Variants in RAD17 observed in about 807,000 individuals in gnomAD.
RAD17 encodes the protein cell cycle checkpoint protein RAD17.
A neutral mutation model predicts 81.5 loss-of-function variants in RAD17; 31 were observed. The observed-to-expected ratio is 0.38, with a 90% confidence interval of 0.29 to 0.51. The LOEUF (loss-of-function observed/expected upper bound fraction) is 0.51. Ranked by LOEUF, RAD17 falls within the 20% of genes least tolerant of loss-of-function variation. The pLI, the probability that RAD17 is intolerant of heterozygous loss-of-function variation, is 0.88. For synonymous variants in RAD17, 261 were observed against 266.2 expected, an observed-to-expected ratio of 0.98 and a Z score of 0.19; for missense variants, 681 against 781.2, an observed-to-expected ratio of 0.87 and a Z score of 1.53.
intron 18 of RAD17, among the ~76,000 whole-genome samples, chr5:69,410,987 A>C (rs1280637537): frequency 1.4e-5 from 2 of 144,440 alleles, no homozygotes; most frequent in Non-Finnish European, 3.0e-5. Context: ...ATATATATAT[A>C]TATATATATA....
chr5:69,388,965 G>A (rs1274136027), intron 11 of RAD17, 69 bp from the exon 12 acceptor site: 5 of 776,970 alleles, frequency 6.4e-6, no homozygotes, highest in Non-Finnish European at 9.4e-6. Flanking sequence ...TTAGAAAATA[G>A]GTTGGGGTTT....
In RAD17 at chr5:69,389,034, A is replaced by G. The variant is rs767960341; in HGVS notation, c.895A>G (p.Asn299Asp). 1.4e-6 allele frequency: 2 copies of G among 1,447,650 alleles called. No individual in the cohort carries two copies. The highest frequency in any genetic ancestry group is 1.8e-6 in the Non-Finnish European group (2 of 1,084,300). The allele number at this position is 1,447,650 out of a possible 1,614,324, so 89.7% of individuals were successfully genotyped here. ...NRIVTIEANK[N>D]GGKITVPDKT... ...TTTAAATTTAATTTTCTTATTTTAG[A>G]ATGGAGGAAAAATTACTGTCCCTGA... The change falls in exon 12 of 19, where the codon AAT becomes GAT. Residue 299 changes from asparagine to aspartate, a missense_variant and splice_region_variant. Coordinates refer to ENST00000354868, the MANE Select transcript of RAD17 (RefSeq NM_133338.3).
chr5:69,406,650 G>A (rs776808864), intron 17 of RAD17, among the ~76,000 whole-genome samples: 3 of 151,624 alleles, frequency 2.0e-5, no homozygotes, highest in African/African-American at 4.8e-5. Flanking sequence ...CCACAGGTGC[G>A]CACCACCACA....
At chr5:69,411,518 A>C (rs914275684) in intron 18 of RAD17, among the ~76,000 whole-genome samples, 3 of 152,188 alleles carry the variant, frequency 2.0e-5, no homozygotes, top group Non-Finnish European at 4.4e-5. Flanking sequence ...TCTGGTCCCA[A>C]ATGGAAAACT....
At chr5:69,386,617 A>T in intron 11 of RAD17, 152 bp downstream of exon 11, 1 of 1,028,606 alleles carries the variant, frequency 9.7e-7, no homozygotes, top group African/African-American at 1.7e-5. Context: ...AATGTAGGAA[A>T]TACTGATTTT....
At position 69,393,232 on chromosome 5, in the gene RAD17, GAACC is replaced by G; in HGVS notation, c.1268_1271del (p.Glu423ValfsTer4). On this transcript the variant is annotated frameshift_variant, in exon 14 of 19. Transcript: ENST00000354868. LOFTEE classifies it high-confidence loss of function. ...ATATGAACGGGATACATTACTTGTT[GAACC>G]TGAGGTAAGTTCTTTGATGACACTT... 1 of 1,606,604 alleles carries G rather than the reference GAACC, an allele frequency of 6.2e-7. No individual in the cohort carries two copies. Among genetic ancestry groups the G allele is most frequent in the Non-Finnish European group, 8.5e-7 (1 of 1,173,932 alleles).
At chr5:69,369,689 T>C (rs1252636503), upstream of RAD17, 1 of 1,553,598 alleles carries the variant, frequency 6.4e-7, no homozygotes, top group Admixed American at 2.0e-5. Context: ...CGTCGCAAAG[T>C]TGGAGGGTGG....
chr5:69,382,109 G>C (rs747665134), intron 7 of RAD17, 52 bp downstream of exon 7: 6 of 1,550,510 alleles, frequency 3.9e-6, no homozygotes, highest in Non-Finnish European at 5.3e-6. Context: ...CTGTGCTTAA[G>C]GGAGCTTTCA....
rs1161262894 is a variant in RAD17 at position 69,400,142 on chromosome 5, C to T, written c.1666C>T (p.Leu556=). The T allele has an allele frequency of 2.6e-6, 4 of 1,566,106 alleles. No individual in the cohort carries two copies. Among genetic ancestry groups the T allele is most frequent in the Admixed American group, 1.8e-5 (1 of 55,106 alleles). The change falls in exon 17 of 19, where the codon CTA becomes TTA. Residue 556 remains leucine (L), a synonymous_variant. Transcript: ENST00000354868. ...AACTCAGCTATTGCCATACCTTGCT[C>T]TACTAACCATTCCAATGAGAAATCA... ...LQTQLLPYLA[L]LTIPMRNQAQ...
At chr5:69,405,818 AT>A (rs1306273059) in intron 17 of RAD17, among the ~76,000 whole-genome samples, 1 of 152,114 alleles carries the variant, frequency 6.6e-6, no homozygotes, top group Non-Finnish European at 1.5e-5. Flanking sequence ...AGGCAGGCGG[AT>A]CACTTGAGGC....
At chr5:69,381,479 C>CA (rs57160119) in intron 6 of RAD17, among the ~76,000 whole-genome samples, 154 of 133,248 alleles carry the variant, frequency 1.2e-3, no homozygotes, top group Middle Eastern at 7.4e-3. Flanking sequence ...AGACTCGTCT[C>CA]AAAAAAAAAA....
At chr5:69,400,944 A>T in intron 17 of RAD17, among the ~76,000 whole-genome samples, 1 of 151,820 alleles carries the variant, frequency 6.6e-6, no homozygotes, top group Non-Finnish European at 1.5e-5. Flanking sequence ...AAAAAACAAA[A>T]AGCATCAGAT....
intron 6 of RAD17, among the ~76,000 whole-genome samples, chr5:69,377,978 G>A (rs1304495379): frequency 2.6e-5 from 4 of 151,698 alleles, no homozygotes; most frequent in Non-Finnish European, 4.4e-5. Context: ...AAATTTTTTT[G>A]TAGAGATGGG....
intron 8 of RAD17, 27 bp from the exon 9 acceptor site, chr5:69,386,015 AC>A: frequency 6.7e-7 from 1 of 1,501,930 alleles, no homozygotes; most frequent in African/African-American, 1.4e-5. Context: ...ATAAAACTAT[AC>A]TATTATTTAT....
intron 15 of RAD17, among the ~76,000 whole-genome samples, chr5:69,394,751 T>TCAATA (rs1764778968): frequency 6.6e-6 from 1 of 152,208 alleles, no homozygotes. Context: ...TACGTTAATA[T>TCAATA]TTCTGTGTGC....
At chr5:69,384,687 A>G in intron 7 of RAD17, 110 bp from the exon 8 acceptor site, 1 of 969,334 alleles carries the variant, frequency 1.0e-6, no homozygotes, top group Non-Finnish European at 1.5e-6. Context: ...ATTGGGAAAT[A>G]GTCTACAGTA....
chr5:69,391,109 A>G (rs1179438740), intron 12 of RAD17, among the ~76,000 whole-genome samples: 4 of 151,740 alleles, frequency 2.6e-5, no homozygotes, highest in African/African-American at 4.8e-5. Context: ...ATACACCTGT[A>G]ATTCTAGCTG....
chr5:69,379,553 G>T (rs1763717179), intron 6 of RAD17, among the ~76,000 whole-genome samples: 1 of 151,990 alleles, frequency 6.6e-6, no homozygotes, highest in South Asian at 2.1e-4. Context: ...TAGATTCTTT[G>T]ATAATAACAC....
intron 6 of RAD17, among the ~76,000 whole-genome samples, chr5:69,378,002 G>T (rs145447984): frequency 8.6e-4 from 131 of 152,026 alleles, no homozygotes; most frequent in Non-Finnish European, 1.5e-3. Context: ...TTATGGTGTT[G>T]CCCACGCTGG....
Sources: gnomAD v4.1 joint callset for allele counts (sites outside exome capture counted in the v4.1 genomes callset) on GRCh38, gnomAD v4.1.1 for gene constraint, MANE v1.5 for transcripts, NCBI Gene and HGNC (gene_info 2026-07-23, HGNC 2026-07-21) for gene names.